CMIP: variants seen among roughly 807,000 people sequenced by gnomAD.
The protein encoded by CMIP is C-Maf-inducing protein.
CMIP carries 13 observed loss-of-function variants against 97.3 expected under a neutral mutation model. The ratio of observed to expected loss-of-function variants is 0.13; its 90% confidence interval spans 0.09 to 0.21. The LOEUF is 0.21. Ranked by LOEUF, CMIP falls within the 10% of genes least tolerant of loss-of-function variation. CMIP has a pLI of 1.00. For synonymous variants in CMIP, 538 were observed against 436.3 expected, an observed-to-expected ratio of 1.23 and a Z score of -2.91; for missense variants, 847 against 1,024.9, an observed-to-expected ratio of 0.83 and a Z score of 2.37.
intron 2 of CMIP, 28 bp from the exon 3 acceptor site, chr16:81,620,848 C>T (rs758350676): frequency 6.2e-7 from 1 of 1,613,604 alleles, no homozygotes; most frequent in African/African-American, 1.3e-5. Flanking sequence ...GATGACCGGA[C>T]CTTGCTGTCC....
chr16:81,576,121 C>G (rs184797917), intron 1 of CMIP, among the ~76,000 whole-genome samples: 1 of 152,066 alleles, frequency 6.6e-6, no homozygotes, highest in Non-Finnish European at 1.5e-5. Flanking sequence ...GAAAAGAATG[C>G]GTCTAGGCGC....
At chr16:81,664,395 G>T (rs1288496818) in intron 7 of CMIP, 46 bp downstream of exon 7, 13 of 1,542,234 alleles carry the variant, frequency 8.4e-6, no homozygotes, top group Non-Finnish European at 9.7e-6. Flanking sequence ...CCCAGAACAT[G>T]AGGCCCCGCG....
intron 10 of CMIP, among the ~76,000 whole-genome samples, chr16:81,685,503 T>C (rs557744839): frequency 6.6e-6 from 1 of 152,244 alleles, no homozygotes; most frequent in Admixed American, 6.5e-5. Flanking sequence ...TCATGACATT[T>C]CTGCATGGAA....
At chr16:81,609,265 C>G (rs1300288494) in intron 2 of CMIP, among the ~76,000 whole-genome samples, 1 of 152,016 alleles carries the variant, frequency 6.6e-6, no homozygotes, top group African/African-American at 2.4e-5. Flanking sequence ...CAGTGTCACC[C>G]TCCTGCCAGA....
chr16:81,707,711 G>A (rs955868292), intron 20 of CMIP, among the ~76,000 whole-genome samples: 5 of 152,200 alleles, frequency 3.3e-5, no homozygotes, highest in Admixed American at 6.5e-5. Flanking sequence ...AGAAACACAC[G>A]TGCACATCTT....
chr16:81,553,758 G>C (rs1324847659), intron 1 of CMIP, among the ~76,000 whole-genome samples: 1 of 150,616 alleles, frequency 6.6e-6, no homozygotes, highest in African/African-American at 2.5e-5. Flanking sequence ...TAGGCAGCAT[G>C]GCCAAGATTC....
At chr16:81,477,475 G>A (rs746274682) in intron 1 of CMIP, among the ~76,000 whole-genome samples, 31 of 152,150 alleles carry the variant, frequency 2.0e-4, no homozygotes, top group Non-Finnish European at 4.3e-4. Context: ...TTCTTAAGGG[G>A]TAGATACAGG....
chr16:81,678,202 T>C, intron 9 of CMIP, 73 bp from the exon 10 acceptor site: 3 of 1,194,198 alleles, frequency 2.5e-6, no homozygotes, highest in Non-Finnish European at 3.5e-6. Context: ...CAGGGAGGCC[T>C]TTAGTCTGAT....
At chr16:81,691,086 A>G (rs1443864213) in intron 10 of CMIP, among the ~76,000 whole-genome samples, 1 of 152,218 alleles carries the variant, frequency 6.6e-6, no homozygotes, top group Non-Finnish European at 1.5e-5. Flanking sequence ...GAATGGCCCC[A>G]GGGTCCCAGC....
At chr16:81,642,344 CAG>C (rs1316095090) in intron 3 of CMIP, among the ~76,000 whole-genome samples, 1 of 152,170 alleles carries the variant, frequency 6.6e-6, no homozygotes, top group Non-Finnish European at 1.5e-5. Context: ...GTGCCCCACT[CAG>C]AGTAGGCGTC....
intron 1 of CMIP, among the ~76,000 whole-genome samples, chr16:81,549,910 CTG>C (rs1383230947): frequency 2.0e-5 from 3 of 152,212 alleles, no homozygotes; most frequent in African/African-American, 4.8e-5. Context: ...GTGCAGTGTG[CTG>C]TGTGTACATG....
intron 1 of CMIP, among the ~76,000 whole-genome samples, chr16:81,462,280 C>G (rs16955389): frequency 0.017 from 2,562 of 152,254 alleles, 67 homozygotes; most frequent in African/African-American, 0.059. Context: ...GACATACTCC[C>G]TTTGAAAATG....
chr16:81,508,379 T>C (rs1226648606), intron 1 of CMIP, among the ~76,000 whole-genome samples: 1 of 152,242 alleles, frequency 6.6e-6, no homozygotes, highest in Non-Finnish European at 1.5e-5. Context: ...GATAGAATCC[T>C]GTGCACATTT....
intron 13 of CMIP, among the ~76,000 whole-genome samples, chr16:81,694,119 C>T (rs750105902): frequency 6.6e-6 from 1 of 152,228 alleles, no homozygotes; most frequent in Non-Finnish European, 1.5e-5. Context: ...TCTCATGCCT[C>T]ACAGCATCCC....
intron 3 of CMIP, among the ~76,000 whole-genome samples, chr16:81,628,810 C>T (rs2092110208): frequency 6.6e-6 from 1 of 152,126 alleles, no homozygotes; most frequent in Non-Finnish European, 1.5e-5. Context: ...GAGAGCTTTC[C>T]ACTTTTCCCT....
At chr16:81,483,599 TCCTCTC>T (rs57518433) in intron 1 of CMIP, among the ~76,000 whole-genome samples, 21 of 145,596 alleles carry the variant, frequency 1.4e-4, no homozygotes, top group African/African-American at 5.1e-4. Flanking sequence ...CTCTTCCTCT[TCCTCTC>T]CCTCTCCCTG....
At chr16:81,597,252 T>A (rs190927330) in intron 1 of CMIP, among the ~76,000 whole-genome samples, 43 of 152,330 alleles carry the variant, frequency 2.8e-4, no homozygotes, top group African/African-American at 9.4e-4. Flanking sequence ...AATTTAGGAT[T>A]CTGTTTGCAC....
intron 1 of CMIP, among the ~76,000 whole-genome samples, chr16:81,568,039 G>GTGTGTGTT (rs10629229): frequency 0.057 from 4,747 of 82,726 alleles, 240 homozygotes; most frequent in East Asian, 0.16. Context: ...GTGTGTGTGT[G>GTGTGTGTT]TTTTTTTTTT....
At chr16:81,479,839 A>T (rs1908152396) in intron 1 of CMIP, among the ~76,000 whole-genome samples, 1 of 152,088 alleles carries the variant, frequency 6.6e-6, no homozygotes, top group South Asian at 2.1e-4. Context: ...TTTAAATTTG[A>T]TTTGCATTTG....
Sources: gnomAD v4.1 joint callset for allele counts (sites outside exome capture counted in the v4.1 genomes callset) on GRCh38, gnomAD v4.1.1 for gene constraint, MANE v1.5 for transcripts, NCBI Gene and HGNC (gene_info 2026-07-23, HGNC 2026-07-21) for gene names.